Variants in PRKCB observed in about 807,000 individuals in gnomAD.
The protein encoded by PRKCB is protein kinase C beta.
A neutral mutation model predicts 81.5 loss-of-function variants in PRKCB; 13 were observed. The ratio of observed to expected loss-of-function variants is 0.16; its 90% CI spans 0.10 to 0.25. The LOEUF (loss-of-function observed/expected upper bound fraction) is 0.25, where lower values mean the gene tolerates loss of function less well. Among genes scored for constraint, PRKCB ranks in the 10% least tolerant of loss-of-function variants. PRKCB has a pLI of 1.00. For missense variants in PRKCB, 509 were observed against 875.7 expected (o/e 0.58, Z 5.29); for synonymous variants, 335 against 321.4 (o/e 1.04, Z -0.45).
intron 5 of PRKCB, among the ~76,000 whole-genome samples, chr16:24,060,537 C>T (rs1354973406): frequency 6.6e-6 from 1 of 152,180 alleles, no homozygotes; most frequent in African/African-American, 2.4e-5. Flanking sequence ...CAGGATCCCT[C>T]TCTCAGCACA....
At chr16:24,168,966 C>G (rs1168907926) in intron 10 of PRKCB, among the ~76,000 whole-genome samples, 3 of 152,002 alleles carry the variant, frequency 2.0e-5, no homozygotes, top group Non-Finnish European at 2.9e-5. Flanking sequence ...TGTCTGGCTT[C>G]AATACTCAGG....
At chr16:23,914,669 A>T (rs1181960557) in intron 2 of PRKCB, among the ~76,000 whole-genome samples, 1 of 152,082 alleles carries the variant, frequency 6.6e-6, no homozygotes, top group African/African-American at 2.4e-5. Flanking sequence ...ATGAGTTAAG[A>T]CCTGCACAGC....
At chr16:23,940,815 C>T (rs918261472) in intron 2 of PRKCB, among the ~76,000 whole-genome samples, 3 of 152,134 alleles carry the variant, frequency 2.0e-5, no homozygotes, top group Non-Finnish European at 4.4e-5. Flanking sequence ...TATGTCGTAG[C>T]TTTTCCACTA....
chr16:24,131,646 C>T (rs1420441869), intron 9 of PRKCB, among the ~76,000 whole-genome samples: 2 of 152,112 alleles, frequency 1.3e-5, no homozygotes, highest in Non-Finnish European at 1.5e-5. Context: ...TTTTCTTCTT[C>T]TTAACATTGC....
chr16:24,050,744 C>T (rs1287666950), intron 5 of PRKCB, among the ~76,000 whole-genome samples: 4 of 152,134 alleles, frequency 2.6e-5, no homozygotes, highest in Non-Finnish European at 4.4e-5. Context: ...CATGACCCGC[C>T]GCTTGAAAAA....
intron 7 of PRKCB, among the ~76,000 whole-genome samples, chr16:24,102,641 G>A (rs1395166329): frequency 1.3e-5 from 2 of 152,110 alleles, no homozygotes; most frequent in Non-Finnish European, 2.9e-5. Context: ...TGACAAATCC[G>A]CCTCTTTGTT....
At chr16:24,096,575 G>A (rs1357448685) in intron 7 of PRKCB, among the ~76,000 whole-genome samples, 1 of 149,294 alleles carries the variant, frequency 6.7e-6, no homozygotes, top group Non-Finnish European at 1.5e-5. Context: ...GATCATAGAT[G>A]TACTGGGGTG....
chr16:24,015,047 C>T (rs556154071), intron 3 of PRKCB, among the ~76,000 whole-genome samples: 2 of 152,266 alleles, frequency 1.3e-5, no homozygotes, highest in East Asian at 1.9e-4. Context: ...GTGATCCGCC[C>T]GCCTTGGCCT....
intron 2 of PRKCB, among the ~76,000 whole-genome samples, chr16:23,908,506 C>A (rs561809364): frequency 6.6e-6 from 1 of 152,144 alleles, no homozygotes; most frequent in African/African-American, 2.4e-5. Context: ...GCCTTGGGTG[C>A]CTTGCTGTAA....
At chr16:23,992,915 G>A (rs1341572157) in intron 3 of PRKCB, among the ~76,000 whole-genome samples, 2 of 152,092 alleles carry the variant, frequency 1.3e-5, no homozygotes, top group African/African-American at 4.8e-5. Context: ...TTTACCAGTG[G>A]AAGTGGCCTC....
chr16:23,889,136 A>ATCCATCCG (rs932448263), intron 2 of PRKCB, among the ~76,000 whole-genome samples: 1 of 136,928 alleles, frequency 7.3e-6, no homozygotes, highest in African/African-American at 3.6e-5. Flanking sequence ...CCATCCATCC[A>ATCCATCCG]TCCATCCATC....
At position 24,203,983 on chromosome 16, in the gene PRKCB, G is replaced by C. The variant is rs1968004403; in HGVS notation, c.1864-10675G>C. Among the ~76,000 whole-genome samples the C allele has an allele frequency of 2.0e-5, 3 of 151,926 alleles. No individual in the cohort carries two copies. The South Asian group carries it at 6.2e-4, about 31-fold the overall frequency. ...CTGTTCTATGTCTAAAGTAGCACTG[G>C]CAGGTCCTCATTCTGCTTGTAATTG... On this transcript the variant is annotated intron_variant, in intron 16 of 16. Coordinates refer to ENST00000643927, the MANE Select transcript of PRKCB (RefSeq NM_002738.7).
chr16:24,065,729 C>T (rs879738767), intron 5 of PRKCB, among the ~76,000 whole-genome samples: 2 of 152,156 alleles, frequency 1.3e-5, no homozygotes, highest in Non-Finnish European at 2.9e-5. Context: ...GTATTTCAAG[C>T]TGGGCACAGT....
intron 2 of PRKCB, among the ~76,000 whole-genome samples, chr16:23,881,130 C>A (rs762166464): frequency 6.6e-6 from 1 of 152,152 alleles, no homozygotes; most frequent in Non-Finnish European, 1.5e-5. Flanking sequence ...CTCCTCTTCA[C>A]TCTGTGATGC....
At chr16:24,026,499 C>G (rs1965481966) in intron 3 of PRKCB, among the ~76,000 whole-genome samples, 1 of 152,194 alleles carries the variant, frequency 6.6e-6, no homozygotes, top group Admixed American at 6.5e-5. Flanking sequence ...GCAAAACCAA[C>G]AGAGGCAACT....
At chr16:23,891,009 G>A (rs1305777160) in intron 2 of PRKCB, among the ~76,000 whole-genome samples, 1 of 128,164 alleles carries the variant, frequency 7.8e-6, no homozygotes, top group Non-Finnish European at 1.7e-5. Flanking sequence ...ATGCGTGTGT[G>A]TGTGTGTGTG....
intron 2 of PRKCB, among the ~76,000 whole-genome samples, chr16:23,911,298 G>A (rs7404685): frequency 1.3e-5 from 2 of 151,542 alleles, no homozygotes; most frequent in African/African-American, 4.9e-5. Flanking sequence ...CAACTGATTT[G>A]TTTATTTTTT....
At chr16:23,880,509 GTC>G (rs1255165985) in intron 2 of PRKCB, among the ~76,000 whole-genome samples, 1 of 151,944 alleles carries the variant, frequency 6.6e-6, no homozygotes, top group African/African-American at 2.4e-5. Context: ...GTCTGTTTGG[GTC>G]TCTGTGGGTG....
intron 7 of PRKCB, among the ~76,000 whole-genome samples, chr16:24,107,517 C>G (rs6497722): frequency 0.19 from 29,575 of 152,158 alleles, 5,411 homozygotes; most frequent in African/African-American, 0.48. Context: ...GGAGACAGGT[C>G]CATAACAGGC....
Sources: gnomAD v4.1 joint callset for allele counts (sites outside exome capture counted in the v4.1 genomes callset) on GRCh38, gnomAD v4.1.1 for gene constraint, MANE v1.5 for transcripts, NCBI Gene and HGNC (gene_info 2026-07-23, HGNC 2026-07-21) for gene names.